Variants in MTCL1 observed in about 807,000 individuals in gnomAD.
MTCL1 encodes the protein microtubule cross-linking factor 1.
In MTCL1, 79 loss-of-function variants were observed where a neutral mutation model predicts 141.4. The ratio of observed to expected loss-of-function variants is 0.56; its 90% CI spans 0.47 to 0.67. MTCL1 has a LOEUF of 0.67. Ranked by LOEUF, MTCL1 falls within the 30% of genes least tolerant of loss-of-function variation. MTCL1 has a pLI of 0.00. For synonymous variants in MTCL1, 914 were observed against 875.8 expected (o/e 1.04, Z -0.77); for missense variants, 2,177 against 2,113.9 (o/e 1.03, Z -0.59).
chr18:8,768,886 G>A (rs984689741), intron 4 of MTCL1, among the ~76,000 whole-genome samples: 2 of 146,566 alleles, frequency 1.4e-5, no homozygotes, highest in Non-Finnish European at 3.0e-5. Flanking sequence ...CCACCTCCCA[G>A]GTTCAAGCAA....
intron 4 of MTCL1, among the ~76,000 whole-genome samples, chr18:8,729,002 C>G (rs565833380): frequency 6.6e-6 from 1 of 152,044 alleles, no homozygotes; most frequent in South Asian, 2.1e-4. Context: ...TCCCAAAGTG[C>G]TGGGATTATA....
At chr18:8,729,673 AATATATATATAT>A (rs3051533) in intron 4 of MTCL1, among the ~76,000 whole-genome samples, 119 of 131,438 alleles carry the variant, frequency 9.1e-4, no homozygotes, top group African/African-American at 1.1e-3. Flanking sequence ...CAAGAAGACA[AATATATATATAT>A]ATATATATAT....
chr18:8,720,156 T>C, intron 3 of MTCL1, 182 bp from the exon 3 acceptor site: 1 of 596,738 alleles, frequency 1.7e-6, no homozygotes, highest in Non-Finnish European at 2.8e-6. Flanking sequence ...AGCCCAGATG[T>C]TGATTTCATT....
chr18:8,751,825 G>A (rs775821420), intron 4 of MTCL1, among the ~76,000 whole-genome samples: 1 of 152,208 alleles, frequency 6.6e-6, no homozygotes, highest in Non-Finnish European at 1.5e-5. Context: ...AGATGGAGCC[G>A]TGGGATTCGC....
At chr18:8,735,382 A>G (rs930651466) in intron 4 of MTCL1, among the ~76,000 whole-genome samples, 1 of 152,018 alleles carries the variant, frequency 6.6e-6, no homozygotes, top group Non-Finnish European at 1.5e-5. Flanking sequence ...ATGGCACTGA[A>G]TCTGTGTGGC....
rs2096524370 is a variant in MTCL1 at position 8,779,210 on chromosome 18, A to G, written c.417+1318A>G. 6.6e-6 allele frequency among the ~76,000 whole-genome samples: 1 copy of G among 152,162 alleles called. No individual in the cohort carries two copies. The highest frequency in any genetic ancestry group is 2.1e-4 in the South Asian group (1 of 4,830). On this transcript the variant is annotated intron_variant, in intron 5 of 16. Coordinates refer to ENST00000359865, the Ensembl canonical transcript of MTCL1. The surrounding 1 kb of genome is among the most constrained non-coding windows in gnomAD (Gnocchi z 4.1). ...GAGCGATATATTTCTGTTGCTTGAC[A>G]AGGCCTTTCCCGCTGGTGGTGATGG...
intron 4 of MTCL1, among the ~76,000 whole-genome samples, chr18:8,764,653 G>A (rs972079353): frequency 6.6e-6 from 1 of 151,822 alleles, no homozygotes; most frequent in Non-Finnish European, 1.5e-5. Context: ...TAAGGAAATT[G>A]AGACCACAGG....
At chr18:8,710,888 C>CTTTTTTTTTTTTTTTTTTTTATTTT (rs71356255) in intron 1 of MTCL1, among the ~76,000 whole-genome samples, 1 of 80,934 alleles carries the variant, frequency 1.2e-5, no homozygotes, top group Non-Finnish European at 2.2e-5. Context: ...TTTTTTTTTA[C>CTTTTTTTTTTTTTTTTTTTTATTTT]TTTTTTTTTT....
Position 8,825,522 on chromosome 18 carries a change from G to T in MTCL1, c.4012G>T (p.Gly1338Cys). The change falls in exon 15 of 17, where the codon GGT (glycine) becomes TGT (cysteine). Residue 1338 changes from glycine to cysteine, a missense_variant. Gly to Cys is a radical substitution (Grantham distance 159). Transcript: ENST00000359865. Reference sequence around the variant, plus strand: ...GCAGACTGAAGCCCTGCGTGGCAGCGGTGTCACCAGCAGCCCCCACAAGTG... The same window carrying T: ...GCAGACTGAAGCCCTGCGTGGCAGCTGTGTCACCAGCAGCCCCCACAAGTG... 4.3e-6 allele frequency: 7 copies of T among 1,612,220 alleles called. No homozygotes were observed. Among genetic ancestry groups the T allele is most frequent in the Non-Finnish European group, 5.9e-6 (7 of 1,178,926 alleles).
At chr18:8,805,102 A>AATATATAT (rs71356268) in intron 10 of MTCL1, among the ~76,000 whole-genome samples, 2,426 of 146,316 alleles carry the variant, frequency 0.017, 62 homozygotes, top group African/African-American at 0.049. Flanking sequence ...TTTATTTTTG[A>AATATATAT]ATATATATAT....
chr18:8,785,780 G>A lies in MTCL1; in HGVS notation c.1732-156G>A, dbSNP rs113369181. On this transcript the variant is annotated intron_variant, in intron 6 of 16. Coordinates refer to ENST00000359865, the Ensembl canonical transcript of MTCL1. ...TGTCTTTAAGCCTGTGTTTCTGTTC[G>A]TGCTGTTCTTTGGTCGTTTTCTCAG... The A allele has an allele frequency of 8.0e-3, 6,617 of 823,666 alleles. 40 individuals carry two copies. The highest frequency in any genetic ancestry group is 0.01 in the Non-Finnish European group (5,326 of 530,694). 51.0% of individuals were successfully genotyped at this position (823,666 alleles called of 1,614,324 possible). A position where few individuals can be genotyped will look rare whatever the true frequency, so the allele number is the denominator to read the frequency against.
chr18:8,709,496 G>T (rs923860249), intron 1 of MTCL1, among the ~76,000 whole-genome samples: 1 of 152,064 alleles, frequency 6.6e-6, no homozygotes, highest in Admixed American at 6.5e-5. Flanking sequence ...GCCTCGTGGG[G>T]TACTTTTTAA....
intron 10 of MTCL1, among the ~76,000 whole-genome samples, chr18:8,804,170 G>A (rs1234478557): frequency 6.6e-6 from 1 of 151,728 alleles, no homozygotes. Flanking sequence ...TGATTATTCA[G>A]CAAATTCTAT....
At position 8,706,560 on chromosome 18, in the gene MTCL1, G is replaced by C. The variant is rs2096058991; in HGVS notation, c.900G>C (p.Glu300Asp). The change falls in exon 1 of 14, where the codon GAG becomes GAC. Residue 300 changes from glutamate to aspartate, a missense_variant. Glu to Asp is a conservative substitution (Grantham distance 45). Coordinates refer to the MTCL1 transcript ENST00000306329. Reference sequence around the variant, plus strand: ...GTTTCGCGGGGCCCGGCGTGGCGGAGGATGTCCGGGGGCGCTCGCCACCGG... The same window carrying C: ...GTTTCGCGGGGCCCGGCGTGGCGGACGATGTCCGGGGGCGCTCGCCACCGG... 3 of 1,415,172 alleles carry C rather than the reference G, an allele frequency of 2.1e-6. No individual in the cohort carries two copies. In the East Asian group the frequency reaches 9.0e-5, roughly 43 times the overall value. 87.7% of individuals were successfully genotyped at this position (1,415,172 alleles called of 1,614,324 possible).
chr18:8,805,517 T>G (rs929308675), intron 10 of MTCL1, among the ~76,000 whole-genome samples: 1 of 152,196 alleles, frequency 6.6e-6, no homozygotes, highest in African/African-American at 2.4e-5. Context: ...CCATATATAC[T>G]TAACCATTTT....
At position 8,794,783 on chromosome 18, in the gene MTCL1, A is replaced by G. The variant is rs561410472; in HGVS notation, c.2011-1449A>G. 2.6e-5 allele frequency among the ~76,000 whole-genome samples: 4 copies of G among 152,274 alleles called. No individual in the cohort carries two copies. In the South Asian group the frequency reaches 8.3e-4, roughly 32 times the overall value. Reference sequence around the variant, plus strand: ...GTTCCTCATTGTTCTTGTTCTGTAAATGACTAAGAGACCAGAGACCAGACC... The same window carrying G: ...GTTCCTCATTGTTCTTGTTCTGTAAGTGACTAAGAGACCAGAGACCAGACC... On this transcript the variant is annotated intron_variant, in intron 8 of 16. Coordinates refer to ENST00000359865, the Ensembl canonical transcript of MTCL1.
In MTCL1 at chr18:8,813,324, G is replaced by T. The variant is rs886598714; in HGVS notation, c.2859+91G>T. The T allele has an allele frequency of 2.1e-6, 3 of 1,429,102 alleles. No individual in the cohort carries two copies. The African/African-American group carries it at 4.3e-5, about 20-fold the overall frequency. The allele number at this position is 1,429,102 out of a possible 1,614,324, so 88.5% of individuals were successfully genotyped here. On this transcript the variant is annotated intron_variant, in intron 12 of 16. Coordinates refer to ENST00000359865, the Ensembl canonical transcript of MTCL1. ...AGCAAAAGCACTAGGCTGCTTCATG[G>T]TCCTTGCAGCATCAGGATGCATGGG...
chr18:8,733,812 G>C (rs1598428763), intron 4 of MTCL1, among the ~76,000 whole-genome samples: 1 of 152,278 alleles, frequency 6.6e-6, no homozygotes, highest in Admixed American at 6.5e-5. Context: ...GGTCAGTGGT[G>C]GGGCTTGGCC....
chr18:8,814,754 C>G (rs1438875930), intron 12 of MTCL1, among the ~76,000 whole-genome samples: 2 of 152,226 alleles, frequency 1.3e-5, no homozygotes, highest in African/African-American at 4.8e-5. Flanking sequence ...TGATCCCTGC[C>G]ATGCCCCCTT....
Sources: gnomAD v4.1 joint callset for allele counts (sites outside exome capture counted in the v4.1 genomes callset) on GRCh38, gnomAD v4.1.1 for gene constraint, Gnocchi (gnomAD v3.1) non-coding constraint, MANE v1.5 for transcripts, NCBI Gene and HGNC (gene_info 2026-07-23, HGNC 2026-07-21) for gene names.